The following SMIM35 variants were observed in gnomAD, a reference collection of about 807,000 sequenced individuals.
SMIM35 encodes the protein small integral membrane protein 35, also known as TMPRSS4 antisense RNA 1 (non-protein coding).
intron 1 of SMIM35, chr11:118,029,721 C>T (rs1406499174): frequency 4.4e-6 from 2 of 457,332 alleles, no homozygotes; most frequent in Admixed American, 2.3e-5. Flanking sequence ...ACACCCTACC[C>T]TCTGCCCCAG....
chr11:118,048,661 A>G (rs1417560925), intron 1 of SMIM35, among the ~76,000 whole-genome samples: 1 of 152,090 alleles, frequency 6.6e-6, no homozygotes, highest in Non-Finnish European at 1.5e-5. Context: ...AAAGAAATTA[A>G]GTAAATAATG....
intron 1 of SMIM35, among the ~76,000 whole-genome samples, chr11:118,023,162 T>C (rs1247257956): frequency 6.6e-6 from 1 of 151,930 alleles, no homozygotes; most frequent in Non-Finnish European, 1.5e-5. Flanking sequence ...TGACCCATAA[T>C]GAACAGAACA....
chr11:118,019,671 C>A (rs11216693), intron 1 of SMIM35, among the ~76,000 whole-genome samples: 14,602 of 152,184 alleles, frequency 0.096, 969 homozygotes, highest in East Asian at 0.37. Context: ...ATCCATCTCT[C>A]CTCCGAGACA....
intron 1 of SMIM35, among the ~76,000 whole-genome samples, chr11:118,038,170 T>C (rs767178209): frequency 1.3e-5 from 2 of 152,234 alleles, no homozygotes; most frequent in Non-Finnish European, 2.9e-5. Flanking sequence ...TTTGAGAATG[T>C]TCTGAATGAC....
At chr11:118,026,104 G>A (rs2058271994) in intron 1 of SMIM35, among the ~76,000 whole-genome samples, 1 of 152,164 alleles carries the variant, frequency 6.6e-6, no homozygotes, top group African/African-American at 2.4e-5. Context: ...AATGGTTGTA[G>A]GTGTGCAGCT....
chr11:118,082,793 G>A (rs926704902), intron 1 of SMIM35, among the ~76,000 whole-genome samples: 1 of 152,180 alleles, frequency 6.6e-6, no homozygotes, highest in Non-Finnish European at 1.5e-5. Context: ...AGTGGATCAG[G>A]CCTAGGACTA....
chr11:118,066,248 C>A (rs1012587051), intron 1 of SMIM35, among the ~76,000 whole-genome samples: 3 of 152,106 alleles, frequency 2.0e-5, no homozygotes, highest in African/African-American at 7.2e-5. Context: ...ATCTCTTCGC[C>A]CTTGTTTTCC....
intron 1 of SMIM35, among the ~76,000 whole-genome samples, chr11:118,070,173 T>A (rs138001712): frequency 6.6e-6 from 1 of 152,088 alleles, no homozygotes; most frequent in East Asian, 1.9e-4. Context: ...AGCCAGATTC[T>A]TTTTTTTCCT....
At chr11:118,043,903 T>C (rs1174104472) in intron 1 of SMIM35, among the ~76,000 whole-genome samples, 2 of 151,714 alleles carry the variant, frequency 1.3e-5, no homozygotes, top group African/African-American at 4.8e-5. Flanking sequence ...TATGGGTTTT[T>C]TTTTTAGGCG....
chr11:118,015,419 T>G (rs1410270069), intron 2 of SMIM35, among the ~76,000 whole-genome samples: 4 of 152,056 alleles, frequency 2.6e-5, no homozygotes, highest in African/African-American at 4.8e-5. Context: ...CAGAGACCGC[T>G]GGCATGGACG....
intron 1 of SMIM35, among the ~76,000 whole-genome samples, chr11:118,084,800 T>G (rs1300472850): frequency 6.6e-6 from 1 of 152,228 alleles, no homozygotes; most frequent in Admixed American, 6.5e-5. Flanking sequence ...CTCCCCATTT[T>G]ACAGATGAGA....
intron 1 of SMIM35, among the ~76,000 whole-genome samples, chr11:118,033,622 C>T (rs1234408967): frequency 1.3e-5 from 2 of 152,102 alleles, no homozygotes; most frequent in East Asian, 3.8e-4. Context: ...AGGGTGAACG[C>T]AGATTTTGGG....
rs995921548 is a variant in SMIM35, at chr11:118,070,937, G to A, written c.7+15814C>T. Among the ~76,000 whole-genome samples the A allele has an allele frequency of 9.2e-5, 14 of 152,164 alleles. 1 individual carries two copies. Among genetic ancestry groups the A allele is most frequent in the Admixed American group, 7.9e-4 (12 of 15,274 alleles). On this transcript the variant is annotated intron_variant, in intron 1 of 4. Transcript: ENST00000689828. ...AGGCCTAGGCATCCTGGGTTACACCGACCTGGATCTCAACCCTGCCTGAGC... is the reference window on the plus strand; with the variant it reads ...AGGCCTAGGCATCCTGGGTTACACCAACCTGGATCTCAACCCTGCCTGAGC...
At chr11:118,044,481 C>T (rs575966114) in intron 1 of SMIM35, among the ~76,000 whole-genome samples, 6 of 152,188 alleles carry the variant, frequency 3.9e-5, no homozygotes, top group African/African-American at 1.4e-4. Context: ...TGATTTCTCT[C>T]CAGATGCCCC....
chr11:118,039,777 G>A (rs556896576), intron 1 of SMIM35, among the ~76,000 whole-genome samples: 10 of 151,872 alleles, frequency 6.6e-5, no homozygotes, highest in African/African-American at 1.4e-4. Flanking sequence ...CTGGCCAGGC[G>A]CAGTGGCTCA....
rs1235879869 is a variant in SMIM35 at position 118,005,044 on chromosome 11, G to A, written c.*1366C>T. ...CTCACAGTGACCCTGGAGAGAACAG[G>A]AACATTCTTCAGAATCCTACTATCT... On this transcript the variant is annotated 3_prime_UTR_variant, in exon 5 of 5. Coordinates refer to ENST00000689828, the MANE Select transcript of SMIM35 (RefSeq NM_001394165.1). 6.6e-6 allele frequency: 1 copy of A among 152,174 alleles called. No homozygotes were observed. The highest frequency in any genetic ancestry group is 1.9e-4 in the East Asian group (1 of 5,186). 9.4% of individuals were successfully genotyped at this position (152,174 alleles called of 1,614,324 possible).
In SMIM35 at chr11:118,013,758, C is replaced by T. The variant is rs1169800092; in HGVS notation, c.*23G>A. 1.0e-5 allele frequency: 4 copies of T among 399,040 alleles called. No homozygotes were observed. Among genetic ancestry groups the T allele is most frequent in the African/African-American group, 4.1e-5 (2 of 48,634 alleles). 24.7% of individuals were successfully genotyped at this position (399,040 alleles called of 1,614,324 possible). On this transcript the variant is annotated 3_prime_UTR_variant, in exon 4 of 5. Transcript: ENST00000689828. Reference sequence around the variant, plus strand: ...CCAACTCCAACTCACCTCCCCAGGGCTTCACAAGTTGCTGTCTCTGCATCA... The same window carrying T: ...CCAACTCCAACTCACCTCCCCAGGGTTTCACAAGTTGCTGTCTCTGCATCA...
At chr11:118,044,787 A>G (rs1944068166) in intron 1 of SMIM35, among the ~76,000 whole-genome samples, 1 of 108,336 alleles carries the variant, frequency 9.2e-6, no homozygotes, top group Admixed American at 1.0e-4. Flanking sequence ...AAAAAAAAAA[A>G]AAGTTCATTC....
At chr11:118,058,453 C>T (rs568194659) in intron 1 of SMIM35, among the ~76,000 whole-genome samples, 7 of 152,180 alleles carry the variant, frequency 4.6e-5, no homozygotes, top group South Asian at 4.1e-4. Context: ...CAGCTTTGGA[C>T]GAGGGACCAG....
Sources: gnomAD v4.1 joint callset for allele counts (sites outside exome capture counted in the v4.1 genomes callset) on GRCh38, gnomAD v4.1.1 for gene constraint, MANE v1.5 for transcripts, NCBI Gene and HGNC (gene_info 2026-07-23, HGNC 2026-07-21) for gene names.